Variants in MAGI2 observed in about 807,000 individuals in gnomAD.
MAGI2 encodes membrane associated guanylate kinase, WW and PDZ domain containing 2.
Under a neutral mutation model 133.3 loss-of-function variants are expected in MAGI2, and 35 were observed. The observed-to-expected ratio is 0.26, with a 90% confidence interval of 0.20 to 0.35. The LOEUF (loss-of-function observed/expected upper bound fraction) is 0.35, where lower values mean the gene tolerates loss of function less well. Among genes scored for constraint, MAGI2 ranks in the 10% least tolerant of loss-of-function variants. The pLI is 1.00. For missense variants in MAGI2, 1,636 were observed against 1,863.4 expected, an observed-to-expected ratio of 0.88 and a Z score of 2.25; for synonymous variants, 729 against 710.6, an observed-to-expected ratio of 1.03 and a Z score of -0.41.
chr7:79,185,103 G>T (rs1221619264), intron 1 of MAGI2, among the ~76,000 whole-genome samples: 2 of 151,760 alleles, frequency 1.3e-5, no homozygotes, highest in African/African-American at 4.8e-5. Context: ...ACTCTGAGTG[G>T]ATACTATTGT....
At chr7:78,852,388 A>G (rs1048135759) in intron 2 of MAGI2, among the ~76,000 whole-genome samples, 2 of 152,040 alleles carry the variant, frequency 1.3e-5, no homozygotes, top group African/African-American at 4.8e-5. Context: ...TAAGTTTTAT[A>G]TAGTTTTGTT....
At chr7:79,187,082 A>G (rs1431472146) in intron 1 of MAGI2, among the ~76,000 whole-genome samples, 2 of 151,544 alleles carry the variant, frequency 1.3e-5, no homozygotes, top group Non-Finnish European at 2.9e-5. Flanking sequence ...CTAAGTGACT[A>G]CTTGTGGGAA....
intron 1 of MAGI2, among the ~76,000 whole-genome samples, chr7:79,402,673 G>A (rs762076063): frequency 2.0e-5 from 3 of 152,044 alleles, no homozygotes; most frequent in Non-Finnish European, 4.4e-5. Context: ...ATTTAAAAAT[G>A]TTTTCAGGCT....
intron 1 of MAGI2, among the ~76,000 whole-genome samples, chr7:79,092,319 C>A (rs918441138): frequency 3.9e-5 from 6 of 152,098 alleles, no homozygotes; most frequent in Non-Finnish European, 7.4e-5. Context: ...AAAACATATT[C>A]ATTTTCAGAA....
intron 2 of MAGI2, among the ~76,000 whole-genome samples, chr7:78,746,136 C>G (rs1453102565): frequency 1.3e-5 from 2 of 152,096 alleles, no homozygotes; most frequent in Non-Finnish European, 2.9e-5. Context: ...TTAAATGATC[C>G]CTTTTACCCA....
intron 6 of MAGI2, among the ~76,000 whole-genome samples, chr7:78,458,698 G>C (rs946311974): frequency 6.6e-6 from 1 of 150,548 alleles, no homozygotes; most frequent in Admixed American, 6.6e-5. Flanking sequence ...GCAGTGGCAC[G>C]ATCTCGGCTC....
At chr7:78,489,914 G>C in intron 5 of MAGI2, 74 bp from the exon 6 acceptor site, 2 of 733,654 alleles carry the variant, frequency 2.7e-6, no homozygotes, top group Middle Eastern at 3.0e-4. Context: ...GAAAAAAAAA[G>C]CAGGGTTAGT....
intron 3 of MAGI2, among the ~76,000 whole-genome samples, chr7:78,563,609 A>G (rs1228072613): frequency 1.3e-5 from 2 of 152,204 alleles, no homozygotes; most frequent in Non-Finnish European, 2.9e-5. Context: ...CATGTTTTAA[A>G]TCCCCTGGCA....
chr7:78,772,384 G>A (rs1303664397), intron 2 of MAGI2, among the ~76,000 whole-genome samples: 1 of 152,152 alleles, frequency 6.6e-6, no homozygotes, highest in East Asian at 1.9e-4. Context: ...ACTCTTATTT[G>A]GCATTTGGTG....
intron 1 of MAGI2, among the ~76,000 whole-genome samples, chr7:79,154,236 A>G (rs1285482687): frequency 2.0e-5 from 3 of 152,224 alleles, no homozygotes; most frequent in African/African-American, 7.2e-5. Context: ...AAAAGTATTC[A>G]ATAAAGTAGT....
At position 78,408,673 on chromosome 7, in the gene MAGI2, T is replaced by A. The variant is rs1309461216; in HGVS notation, c.1046-39460A>T. Among the ~76,000 whole-genome samples, 19 of 152,046 alleles carry A rather than the reference T, an allele frequency of 1.2e-4. 1 individual carries two copies. Among genetic ancestry groups the A allele is most frequent in the Admixed American group, 1.2e-3 (19 of 15,224 alleles). Reference sequence around the variant, plus strand: ...ACTGGGCACTTGAAAGGTAGCTGGTTTAAATTGCGATGTGCTGAAAAGTAG... The same window carrying A: ...ACTGGGCACTTGAAAGGTAGCTGGTATAAATTGCGATGTGCTGAAAAGTAG... On this transcript the variant is annotated intron_variant, in intron 6 of 21. Coordinates refer to ENST00000354212, the MANE Select transcript of MAGI2 (RefSeq NM_012301.4).
At chr7:79,270,261 A>G (rs1223119489) in intron 1 of MAGI2, among the ~76,000 whole-genome samples, 1 of 152,160 alleles carries the variant, frequency 6.6e-6, no homozygotes, top group Non-Finnish European at 1.5e-5. Flanking sequence ...GATTTGAGTA[A>G]TAACTCTGTC....
chr7:78,536,755 TG>T (rs1797976251), intron 3 of MAGI2, among the ~76,000 whole-genome samples: 2 of 112,738 alleles, frequency 1.8e-5, no homozygotes, highest in Admixed American at 1.0e-4. Flanking sequence ...TTGTTTTTGT[TG>T]TTGTTTTTTT....
rs1584408215 is a variant in MAGI2, at chr7:78,924,408, T to C, written c.418+82682A>G. Among the ~76,000 whole-genome samples the C allele has an allele frequency of 2.0e-5, 3 of 152,240 alleles. No individual in the cohort carries two copies. In the East Asian group the frequency reaches 5.8e-4, roughly 29 times the overall value. ...TATTGAGAGATTTTACCATGAAGTG[T>C]TGTTGAATTTTGTCAAAGGCCTTTT... On this transcript the variant is annotated intron_variant, in intron 2 of 21. Transcript: ENST00000354212.
chr7:79,376,150 G>T (rs6964349), intron 1 of MAGI2, among the ~76,000 whole-genome samples: 5 of 151,526 alleles, frequency 3.3e-5, no homozygotes, highest in Admixed American at 6.6e-5. Flanking sequence ...CTTATCATTG[G>T]GACATATGTT....
chr7:78,664,554 T>C (rs572887333), intron 2 of MAGI2, among the ~76,000 whole-genome samples: 1 of 152,164 alleles, frequency 6.6e-6, no homozygotes, highest in South Asian at 2.1e-4. Flanking sequence ...GTTTTTCTAC[T>C]TTTGAATAAT....
At chr7:78,669,579 G>A (rs1448515687) in intron 2 of MAGI2, among the ~76,000 whole-genome samples, 4 of 152,072 alleles carry the variant, frequency 2.6e-5, no homozygotes, top group Admixed American at 6.6e-5. Flanking sequence ...TATGAGGCCA[G>A]CATCATCCTG....
At chr7:78,243,631 A>G (rs1227302039) in intron 10 of MAGI2, among the ~76,000 whole-genome samples, 1 of 152,186 alleles carries the variant, frequency 6.6e-6, no homozygotes, top group Non-Finnish European at 1.5e-5. Flanking sequence ...TGTAAAAAAA[A>G]GATGTGTATT....
intron 1 of MAGI2, among the ~76,000 whole-genome samples, chr7:79,385,168 A>G (rs1844085601): frequency 6.6e-6 from 1 of 151,840 alleles, no homozygotes; most frequent in East Asian, 1.9e-4. Flanking sequence ...CATAAAGTGT[A>G]ATAAATGGAA....
Sources: allele counts gnomAD v4.1 joint callset (sites outside exome capture counted in the v4.1 genomes callset), GRCh38; gene constraint gnomAD v4.1.1; transcripts MANE v1.5; gene names NCBI Gene and HGNC (gene_info 2026-07-23, HGNC 2026-07-21).